Variants in MLIP observed in about 807,000 individuals in gnomAD.
MLIP encodes the protein muscular LMNA-interacting protein.
In MLIP, 79 loss-of-function variants were observed where a neutral mutation model predicts 84.8. That is an observed-to-expected ratio of 0.93 (90% CI 0.78 to 1.12). The LOEUF is 1.12. Among genes scored for constraint, MLIP ranks in the 50% most tolerant of loss-of-function variants. The pLI is 0.00. For missense variants in MLIP, 1,257 were observed against 1,160.6 expected (o/e 1.08, Z -1.21); for synonymous variants, 504 against 463.0 (o/e 1.09, Z -1.14).
chr6:54,187,469 G>C (rs964000791), intron 9 of MLIP, among the ~76,000 whole-genome samples: 1 of 152,016 alleles, frequency 6.6e-6, no homozygotes, highest in Non-Finnish European at 1.5e-5. Flanking sequence ...ACATTATAAC[G>C]TGTTATAGAT....
At chr6:54,233,042 A>C (rs992900513) in intron 12 of MLIP, among the ~76,000 whole-genome samples, 2 of 152,136 alleles carry the variant, frequency 1.3e-5, no homozygotes, top group African/African-American at 4.8e-5. Flanking sequence ...TTCAAGAGGG[A>C]ACTTTATAAC....
At chr6:54,147,598 G>A (rs1582277214) in intron 4 of MLIP, among the ~76,000 whole-genome samples, 1 of 152,250 alleles carries the variant, frequency 6.6e-6, no homozygotes, top group African/African-American at 2.4e-5. Flanking sequence ...ATGGAGGAGA[G>A]AAAGTGGAAG....
intron 4 of MLIP, among the ~76,000 whole-genome samples, chr6:54,148,444 T>C (rs959059346): frequency 6.6e-6 from 1 of 152,154 alleles, no homozygotes; most frequent in Non-Finnish European, 1.5e-5. Context: ...CAGGGGGTGA[T>C]GAGGTTTAAA....
intron 11 of MLIP, among the ~76,000 whole-genome samples, chr6:54,228,223 A>AG (rs1780738929): frequency 6.8e-6 from 1 of 147,566 alleles, no homozygotes; most frequent in Admixed American, 6.8e-5. Context: ...AAGAGAAAGA[A>AG]AAAAGAAACA....
At chr6:54,263,340 CT>C (rs1370466737) in intron 13 of MLIP, among the ~76,000 whole-genome samples, 6 of 151,940 alleles carry the variant, frequency 3.9e-5, no homozygotes, top group African/African-American at 1.4e-4. Context: ...CGTTTTATAG[CT>C]TCTGGCTTAT....
intron 3 of MLIP, among the ~76,000 whole-genome samples, chr6:54,133,427 A>G (rs535104184): frequency 6.6e-6 from 1 of 152,316 alleles, no homozygotes; most frequent in South Asian, 2.1e-4. Flanking sequence ...GTATGTGACG[A>G]CAAGGGAGAA....
chr6:54,149,097 C>T lies in MLIP; in HGVS notation c.2259C>T (p.Ile753=). ...CAAGCTACAAGGCTTTTGCAGCAAT[C>T]CCTACAAACACATTGCTTTTGGAAC... The part of the protein sequence containing the change: ...TKSSYKAFAA[I]PTNTLLLEQK... Residue 753 remains isoleucine, a synonymous_variant, in exon 5 of 14, where the codon ATC becomes ATT. Transcript: ENST00000502396. The T allele has an allele frequency of 6.2e-7, 1 of 1,612,968 alleles. No homozygotes were observed. The highest frequency in any genetic ancestry group is 8.5e-7 in the Non-Finnish European group (1 of 1,179,248).
At chr6:54,227,677 G>T (rs888074723) in intron 11 of MLIP, among the ~76,000 whole-genome samples, 4 of 152,124 alleles carry the variant, frequency 2.6e-5, no homozygotes, top group African/African-American at 7.2e-5. Flanking sequence ...AAATAATCCA[G>T]TATAATAATA....
chr6:54,102,264 A>G (rs553981287), intron 1 of MLIP, among the ~76,000 whole-genome samples: 2 of 152,278 alleles, frequency 1.3e-5, no homozygotes, highest in Non-Finnish European at 2.9e-5. Flanking sequence ...TGAGAAATAG[A>G]AAAGATAATA....
chr6:54,216,241 C>G, intron 11 of MLIP: 1 of 985,326 alleles, frequency 1.0e-6, no homozygotes, highest in Non-Finnish European at 1.2e-6. Context: ...AAAGGGTCAA[C>G]TGAATATATT....
At chr6:54,123,575 T>G (rs1171733384) in intron 2 of MLIP, among the ~76,000 whole-genome samples, 1 of 152,194 alleles carries the variant, frequency 6.6e-6, no homozygotes, top group Non-Finnish European at 1.5e-5. Flanking sequence ...ATACAATACA[T>G]GCACACACAG....
chr6:54,075,566 T>A (rs1203695307), intron 1 of MLIP, among the ~76,000 whole-genome samples: 4 of 152,208 alleles, frequency 2.6e-5, no homozygotes, highest in Non-Finnish European at 5.9e-5. Flanking sequence ...TAGATATTAG[T>A]GCTTATTGTT....
In MLIP at chr6:54,160,532, A is replaced by C; in HGVS notation, c.2372A>C (p.Gln791Pro). The change falls in exon 7 of 14, where the codon CAG becomes CCG. Residue 791 changes from glutamine to proline, a missense_variant. Gln to Pro is a moderately conservative substitution (Grantham distance 76, BLOSUM62 -1). Coordinates refer to ENST00000502396, the MANE Select transcript of MLIP (RefSeq NM_001281747.2). ...EPPVELYFPA[Q>P]LRQQTEELCA... Reference sequence around the variant, plus strand: ...TTCTTCCAGCTCTATTTTCCTGCACAGCTCAGGCAGCAAACTGAAGAGCTC... The same window carrying C: ...TTCTTCCAGCTCTATTTTCCTGCACCGCTCAGGCAGCAAACTGAAGAGCTC... 6.2e-7 allele frequency: 1 copy of C among 1,612,592 alleles called. No individual in the cohort carries two copies. Among genetic ancestry groups the C allele is most frequent in the Non-Finnish European group, 8.5e-7 (1 of 1,179,182 alleles).
At chr6:54,204,238 G>T (rs367674798) in intron 11 of MLIP, among the ~76,000 whole-genome samples, 23 of 152,134 alleles carry the variant, frequency 1.5e-4, no homozygotes, top group African/African-American at 5.5e-4. Flanking sequence ...AAATTAAATA[G>T]GGAAATTTTG....
chr6:54,113,214 A>C (rs1394935129), intron 1 of MLIP, among the ~76,000 whole-genome samples: 1 of 152,164 alleles, frequency 6.6e-6, no homozygotes, highest in Non-Finnish European at 1.5e-5. Context: ...CTAGTTACAG[A>C]ACCTGGGGAC....
upstream of MLIP, among the ~76,000 whole-genome samples, chr6:54,109,606 C>T (rs115445957): frequency 6.3e-3 from 958 of 152,146 alleles, 16 homozygotes; most frequent in African/African-American, 0.022. Context: ...TTCATAGTTT[C>T]CCTTTCCCCG....
At chr6:54,205,741 G>T (rs1044637205) in intron 11 of MLIP, among the ~76,000 whole-genome samples, 1 of 152,074 alleles carries the variant, frequency 6.6e-6, no homozygotes, top group Non-Finnish European at 1.5e-5. Context: ...AAGTGGCATA[G>T]GCCAGGAAGC....
chr6:54,249,097 C>T (rs1367883207), intron 12 of MLIP, among the ~76,000 whole-genome samples: 1 of 152,054 alleles, frequency 6.6e-6, no homozygotes, highest in Non-Finnish European at 1.5e-5. Context: ...TGGCTCAGTG[C>T]AGGAGATGCC....
At chr6:54,249,344 T>C (rs558010992) in intron 12 of MLIP, among the ~76,000 whole-genome samples, 17 of 152,096 alleles carry the variant, frequency 1.1e-4, no homozygotes, top group Non-Finnish European at 1.9e-4. Flanking sequence ...ACCACAAATA[T>C]ATGCTCTACT....
Sources: allele counts gnomAD v4.1 joint callset (sites outside exome capture counted in the v4.1 genomes callset), GRCh38; gene constraint gnomAD v4.1.1; transcripts MANE v1.5; gene names NCBI Gene and HGNC (gene_info 2026-07-23, HGNC 2026-07-21).